The following GMPPB variants were observed in gnomAD, a reference collection of about 807,000 sequenced individuals.
GMPPB encodes the protein mannose-1-phosphate guanylyltransferase catalytic subunit beta.
GMPPB carries 38 observed loss-of-function variants against 40.3 expected under a neutral mutation model. The observed-to-expected ratio is 0.94, with a 90% CI of 0.73 to 1.24. The LOEUF (loss-of-function observed/expected upper bound fraction) is 1.24, where lower values mean the gene tolerates loss of function less well. Ranked by LOEUF, GMPPB falls within the 50% of genes most tolerant of loss-of-function variation. GMPPB has a pLI of 0.00. For missense variants in GMPPB, 436 were observed against 487.1 expected (o/e 0.90, Z 0.99); for synonymous variants, 193 against 191.8 (o/e 1.01, Z -0.05).
rs2080375886 is a variant in GMPPB, at chr3:49,720,426, A to T, written c.*1326T>A. 2 of 1,388,366 alleles carry T rather than the reference A, an allele frequency of 1.4e-6. No homozygotes were observed. Among genetic ancestry groups the T allele is most frequent in the South Asian group, 3.1e-5 (2 of 63,750 alleles). 86.0% of individuals were successfully genotyped at this position (1,388,366 alleles called of 1,614,324 possible). A position where few individuals can be genotyped will look rare whatever the true frequency, so the allele number is the denominator to read the frequency against. ...CAGGGGGGGTGATCATGTACGAGCC[A>T]TGGCACTCCTCATTGGCAATCCCAA... On this transcript the variant is annotated 3_prime_UTR_variant, in exon 9 of 9. Coordinates refer to ENST00000308388, the MANE Select transcript of GMPPB (RefSeq NM_021971.4).
Position 49,720,751 on chromosome 3 carries a change from C to T in GMPPB, c.*1001G>A. ...TCCTAGGCTGGGAATATTCAAGAGG[C>T]ATCACATCCTCAGCTACCTCTGACT... On this transcript the variant is annotated 3_prime_UTR_variant, in exon 9 of 9. Transcript: ENST00000308388. The T allele has an allele frequency of 1.2e-6, 2 of 1,611,222 alleles. No homozygotes were observed. The highest frequency in any genetic ancestry group is 1.7e-6 in the Non-Finnish European group (2 of 1,177,476).
intron 4 of GMPPB, 102 bp from the exon 5 acceptor site, chr3:49,722,856 A>G (rs2080438987): frequency 2.7e-6 from 4 of 1,508,874 alleles, no homozygotes; most frequent in Non-Finnish European, 3.6e-6. Flanking sequence ...GTGCTTAAAG[A>G]TACATACTGC....
intron 5 of GMPPB, 34 bp from the exon 6 acceptor site, chr3:49,722,544 G>A: frequency 6.2e-7 from 1 of 1,613,644 alleles, no homozygotes; most frequent in Non-Finnish European, 8.5e-7. Context: ...GCAGGGTCAT[G>A]GCGGTGATGG....
At position 49,723,442 on chromosome 3, in the gene GMPPB, T is replaced by C. The variant is rs145671483; in HGVS notation, c.160A>G (p.Ser54Gly). Residue 54 changes from serine to glycine, a missense_variant, in exon 2 of 9, where the codon AGC becomes GGC. Ser to Gly is a moderately conservative substitution (Grantham distance 56). Coordinates refer to ENST00000308388, the MANE Select transcript of GMPPB (RefSeq NM_021971.4). ...TTCTCCAGCACCTGCGACATGTAGC[T>C]CACGGCCAGGATCACGTGGTCCACG... is the stretch of plus-strand genomic sequence containing the variant. ...AGVDHVILAVSYMSQVLEKEM... is the reference protein window; with the variant it reads ...AGVDHVILAVGYMSQVLEKEM... 1 of 1,614,014 alleles carries C rather than the reference T, an allele frequency of 6.2e-7. No homozygotes were observed. The highest frequency in any genetic ancestry group is 1.3e-5 in the African/African-American group (1 of 75,036).
chr3:49,720,483 G>A lies in GMPPB; in HGVS notation c.*1269C>T. Reference sequence around the variant, plus strand: ...CTTTTAGCCAGGCCCCAAGCCTTCTGACTGCCCTTGCACCCTCCCCTACCT... The same window carrying A: ...CTTTTAGCCAGGCCCCAAGCCTTCTAACTGCCCTTGCACCCTCCCCTACCT... On this transcript the variant is annotated 3_prime_UTR_variant, in exon 9 of 9. Coordinates refer to ENST00000308388, the MANE Select transcript of GMPPB (RefSeq NM_021971.4). 6.6e-7 allele frequency: 1 copy of A among 1,519,834 alleles called. No homozygotes were observed. The highest frequency in any genetic ancestry group is 8.8e-7 in the Non-Finnish European group (1 of 1,132,314). 94.1% of individuals were successfully genotyped at this position (1,519,834 alleles called of 1,614,324 possible). A position where few individuals can be genotyped will look rare whatever the true frequency, so the allele number is the denominator to read the frequency against.
At position 49,722,416 on chromosome 3, in the gene GMPPB, G is replaced by A. The variant is rs2080430207; in HGVS notation, c.640+16C>T. 5 of 1,614,010 alleles carry A rather than the reference G, an allele frequency of 3.1e-6. No homozygotes were observed. The highest frequency in any genetic ancestry group is 4.2e-6 in the Non-Finnish European group (5 of 1,179,938). On this transcript the variant is annotated intron_variant, in intron 6 of 8. Coordinates refer to ENST00000308388, the MANE Select transcript of GMPPB (RefSeq NM_021971.4). ...CAGCCACAGACCACCCCCACCCTGTGGCCTCCCTGCCTCACCCTGTAACTC... is the reference window on the plus strand; with the variant it reads ...CAGCCACAGACCACCCCCACCCTGTAGCCTCCCTGCCTCACCCTGTAACTC...
In GMPPB at chr3:49,720,665, G is replaced by A. The variant is rs780022191; in HGVS notation, c.*1087C>T. ...CTCCCTGCAGAGCTGTGAGTGGGCT[G>A]GTGGGGCAGGTCAGGGAAATCTGGG... is the stretch of plus-strand genomic sequence containing the variant. On this transcript the variant is annotated 3_prime_UTR_variant, in exon 9 of 9. Transcript: ENST00000308388. The A allele has an allele frequency of 1.9e-6, 3 of 1,595,522 alleles. No individual in the cohort carries two copies. Among genetic ancestry groups the A allele is most frequent in the Admixed American group, 3.4e-5 (2 of 59,374 alleles).
rs772099238 is a variant in GMPPB, at chr3:49,722,302, G to A, written c.697C>T (p.Leu233=). 5 of 1,614,014 alleles carry A rather than the reference G, an allele frequency of 3.1e-6. No homozygotes were observed. In the Admixed American group the frequency reaches 6.7e-5, roughly 22 times the overall value. Residue 233 remains leucine, a synonymous_variant, in exon 7 of 9, where the codon CTG becomes TTG. Transcript: ENST00000308388. ...KDFLTGMCLF[L]QSLRQKQPER... ...GGCTGCTTCTGCCTCAGTGACTGCA[G>A]GAAGAGGCACATGCCAGTGAGGAAG...
At position 49,723,742 on chromosome 3, in the gene GMPPB, T is replaced by C. The variant is rs1236104382; in HGVS notation, c.-16A>G. The C allele has an allele frequency of 1.3e-6, 2 of 1,576,380 alleles. No homozygotes were observed. Among genetic ancestry groups the C allele is most frequent in the African/African-American group, 2.7e-5 (2 of 73,710 alleles). ...GTGCCTTCATCGCGCCTGCGGACGT[T>C]GAGGGGGTGTCCCGGGCTCTGAGGT... On this transcript the variant is annotated 5_prime_UTR_variant, in exon 1 of 9. Coordinates refer to ENST00000308388, the MANE Select transcript of GMPPB (RefSeq NM_021971.4).
chr3:49,721,280 C>G lies in GMPPB; in HGVS notation c.*472G>C, dbSNP rs769831352. The G allele has an allele frequency of 3.8e-5, 61 of 1,614,106 alleles. No homozygotes were observed. The highest frequency in any genetic ancestry group is 4.9e-5 in the Non-Finnish European group (58 of 1,180,046). On this transcript the variant is annotated 3_prime_UTR_variant, in exon 9 of 9. Coordinates refer to ENST00000308388, the MANE Select transcript of GMPPB (RefSeq NM_021971.4). Reference sequence around the variant, plus strand: ...GAGGACTGGGAGAAGGGAGCCAATACGAGTACTACCTCCTCAGCTGCCTAG... The same window carrying G: ...GAGGACTGGGAGAAGGGAGCCAATAGGAGTACTACCTCCTCAGCTGCCTAG...
Position 49,721,320 on chromosome 3 carries a change from G to A in GMPPB, c.*432C>T, listed in dbSNP as rs2080402094. 1.2e-6 allele frequency: 2 copies of A among 1,614,046 alleles called. No individual in the cohort carries two copies. Among genetic ancestry groups the A allele is most frequent in the African/African-American group, 2.7e-5 (2 of 74,930 alleles). ...CAGCTGCCTAGCCCTCACAGCCTGT[G>A]CCATCCTGGAACCTCCACCTTTGAA... is the stretch of plus-strand genomic sequence containing the variant. On this transcript the variant is annotated 3_prime_UTR_variant, in exon 9 of 9. Transcript: ENST00000308388.
At position 49,723,393 on chromosome 3, in the gene GMPPB, C is replaced by T. The variant is rs763825301; in HGVS notation, c.209G>A (p.Arg70Lys). The T allele has an allele frequency of 6.2e-7, 1 of 1,614,180 alleles. No individual in the cohort carries two copies. The highest frequency in any genetic ancestry group is 1.1e-5 in the South Asian group (1 of 91,084). ...AAGGGCCAAGAGTCTGTGCCTCACC[C>T]TCTGCTCCTGTGCCTTCATTTCCTT... is the stretch of plus-strand genomic sequence containing the variant. ...LEKEMKAQEQRLGIRISMSHE... is the reference protein window; with the variant it reads ...LEKEMKAQEQKLGIRISMSHE... The change falls in exon 2 of 9, where the codon AGG becomes AAG. Residue 70 changes from arginine (R) to lysine (K), a missense_variant and splice_region_variant. Arg to Lys is a conservative substitution (Grantham distance 26, BLOSUM62 2). Coordinates refer to ENST00000308388, the MANE Select transcript of GMPPB (RefSeq NM_021971.4).
In GMPPB at chr3:49,720,420, C is replaced by A. The variant is rs1175117219; in HGVS notation, c.*1332G>T. On this transcript the variant is annotated 3_prime_UTR_variant, in exon 9 of 9. Coordinates refer to ENST00000308388, the MANE Select transcript of GMPPB (RefSeq NM_021971.4). ...AGGATGCAGGGGGGGTGATCATGTACGAGCCATGGCACTCCTCATTGGCAA... is the reference window on the plus strand; with the variant it reads ...AGGATGCAGGGGGGGTGATCATGTAAGAGCCATGGCACTCCTCATTGGCAA... 4 of 1,316,008 alleles carry A rather than the reference C, an allele frequency of 3.0e-6. No homozygotes were observed. Among genetic ancestry groups the A allele is most frequent in the Admixed American group, 2.6e-5 (1 of 38,454 alleles). 81.5% of individuals were successfully genotyped at this position (1,316,008 alleles called of 1,614,324 possible). A position where few individuals can be genotyped will look rare whatever the true frequency, so the allele number is the denominator to read the frequency against.
Position 49,720,342 on chromosome 3 carries a change from G to T in GMPPB, c.*1410C>A. ...GAAAAAAAAAAAAAAAACAGGCTGT[G>T]TGGCACCTTACTAGAATACAGGACT... On this transcript the variant is annotated 3_prime_UTR_variant, in exon 9 of 9. Coordinates refer to ENST00000308388, the MANE Select transcript of GMPPB (RefSeq NM_021971.4). The T allele has an allele frequency of 5.7e-6, 3 of 526,912 alleles. No individual in the cohort carries two copies. The highest frequency in any genetic ancestry group is 9.2e-6 in the Non-Finnish European group (3 of 325,756). 32.6% of individuals were successfully genotyped at this position (526,912 alleles called of 1,614,324 possible). A position where few individuals can be genotyped will look rare whatever the true frequency, so the allele number is the denominator to read the frequency against.
Position 49,722,429 on chromosome 3 carries a change from C to T in GMPPB, c.640+3G>A. 1 of 1,614,186 alleles carries T rather than the reference C, an allele frequency of 6.2e-7. No individual in the cohort carries two copies. Among genetic ancestry groups the T allele is most frequent in the South Asian group, 1.1e-5 (1 of 91,084 alleles). On this transcript the variant is annotated splice_donor_region_variant and intron_variant, in intron 6 of 8. Transcript: ENST00000308388. ...CCCCCACCCTGTGGCCTCCCTGCCT[C>T]ACCCTGTAACTCCATGGCATATAGC...
In GMPPB at chr3:49,720,834, A is replaced by C. The variant is rs1401758394; in HGVS notation, c.*918T>G. The C allele has an allele frequency of 3.7e-6, 6 of 1,614,172 alleles. No homozygotes were observed. The Admixed American group carries it at 1.0e-4, about 27-fold the overall frequency. ...ATATCAGTGCCGATGAGCTGGCCCA[A>C]GTGGAACAGATGCTGGCGCACCTGA... On this transcript the variant is annotated 3_prime_UTR_variant, in exon 9 of 9. Coordinates refer to ENST00000308388, the MANE Select transcript of GMPPB (RefSeq NM_021971.4).
rs998425223 is a variant in GMPPB, at chr3:49,722,764, A to G, written c.403-10T>C. On this transcript the variant is annotated splice_polypyrimidine_tract_variant and intron_variant, in intron 4 of 8. Coordinates refer to ENST00000308388, the MANE Select transcript of GMPPB (RefSeq NM_021971.4). ...CCTCCACCTTGGTCACCTGAATGCA[A>G]GGAAGGGGACCTCGGACCTAGTCCA... is the stretch of plus-strand genomic sequence containing the variant. 6.2e-7 allele frequency: 1 copy of G among 1,608,204 alleles called. No homozygotes were observed. Among genetic ancestry groups the G allele is most frequent in the Non-Finnish European group, 8.5e-7 (1 of 1,177,152 alleles).
In GMPPB at chr3:49,723,693, TC is replaced by T; in HGVS notation, c.33del (p.Thr12ArgfsTer6). 6.3e-7 allele frequency: 1 copy of T among 1,591,838 alleles called. No homozygotes were observed. The highest frequency in any genetic ancestry group is 8.5e-7 in the Non-Finnish European group (1 of 1,170,700). On this transcript the variant is annotated frameshift_variant, in exon 1 of 9. Coordinates refer to ENST00000308388, the MANE Select transcript of GMPPB (RefSeq NM_021971.4). LOFTEE classifies it high-confidence loss of function. ...CTCAGCGTCAGCGGCCGTAGCCGCG[TC>T]CCATAGCCCCCCACTAAGATCAGTG... MKALILVGGYGTRLRPLTLST... is the reference protein window; with the variant it reads MKALILVGGYXTRLRPLTLST...
In GMPPB at chr3:49,723,648, C is replaced by G. The variant is rs142336618; in HGVS notation, c.79G>C (p.Asp27His). ...LTLSTPKPLVDFCNKPILLHQ... is the reference protein window; with the variant it reads ...LTLSTPKPLVHFCNKPILLHQ... ...AGCAAGATGGGCTTATTGCAGAAGT[C>G]CACCAGTGGCTTCGGGGTGCTCAGC... The change falls in exon 1 of 9, where the codon GAC (aspartate) becomes CAC (histidine). Residue 27 changes from aspartate (D) to histidine (H), a missense_variant. Asp to His is a moderately conservative substitution (Grantham distance 81). Transcript: ENST00000308388. The G allele has an allele frequency of 9.5e-4, 1,506 of 1,582,864 alleles. 1 individual carries two copies. The highest frequency in any genetic ancestry group is 1.2e-3 in the Non-Finnish European group (1,387 of 1,165,084).
Sources: gnomAD v4.1 joint callset for allele counts on GRCh38, gnomAD v4.1.1 for gene constraint, MANE v1.5 for transcripts, NCBI Gene and HGNC (gene_info 2026-07-23, HGNC 2026-07-21) for gene names.